DDHD2: variants seen among roughly 807,000 people sequenced by gnomAD.
DDHD2 encodes the protein DDHD domain containing 2, also known as triacylglycerol hydrolase DDHD2.
A neutral mutation model predicts 91.2 loss-of-function variants in DDHD2; 62 were observed. The observed-to-expected ratio is 0.68, with a 90% CI of 0.55 to 0.84. DDHD2 has a LOEUF of 0.84. Among genes scored for constraint, DDHD2 ranks in the 40% least tolerant of loss-of-function variants. The pLI, the probability that DDHD2 is intolerant of heterozygous loss-of-function variation, is 0.00. For synonymous variants in DDHD2, 271 were observed against 293.9 expected, an observed-to-expected ratio of 0.92 and a Z score of 0.80; for missense variants, 740 against 846.9, an observed-to-expected ratio of 0.87 and a Z score of 1.57.
chr8:38,233,476 G>A (rs1804453757), intron 2 of DDHD2, among the ~76,000 whole-genome samples: 1 of 151,802 alleles, frequency 6.6e-6, no homozygotes, highest in Non-Finnish European at 1.5e-5. Flanking sequence ...AGAGTTGGGG[G>A]CCTAATTATA....
chr8:38,266,218 C>A, downstream of DDHD2: 1 of 1,613,866 alleles, frequency 6.2e-7, no homozygotes, highest in Non-Finnish European at 8.5e-7. Flanking sequence ...CAGAAAGGCA[C>A]AGAACCTCCA....
At chr8:38,246,521 C>T in intron 9 of DDHD2, among the ~76,000 whole-genome samples, 1 of 152,104 alleles carries the variant, frequency 6.6e-6, no homozygotes, top group East Asian at 1.9e-4. Context: ...ATATTCTAAA[C>T]CATAGTTATC....
rs1306998187 is a variant in DDHD2 at position 38,252,768 on chromosome 8, T to C, written c.1664T>C (p.Val555Ala). The change falls in exon 14 of 18, where the codon GTG becomes GCG. Residue 555 changes from valine (V) to alanine (A), a missense_variant. This residue lies in a region of DDHD2 where 693 missense variants were observed against 764.2 expected (regional missense o/e 0.91). Transcript: ENST00000397166. ...YRIEPMVVPG[V>A]EFEPMLIPHH... is the part of the protein sequence containing the mutation. ...ATTGAACCAATGGTGGTCCCAGGAGTGGAATTTGAGCCAATGCTGATCCCA... is the reference window on the plus strand; with the variant it reads ...ATTGAACCAATGGTGGTCCCAGGAGCGGAATTTGAGCCAATGCTGATCCCA... 2 of 1,613,030 alleles carry C rather than the reference T, an allele frequency of 1.2e-6. No individual in the cohort carries two copies. The highest frequency in any genetic ancestry group is 1.7e-6 in the Non-Finnish European group (2 of 1,179,790).
chr8:38,258,291 G>A (rs1585769090), intron 16 of DDHD2, among the ~76,000 whole-genome samples: 1 of 146,420 alleles, frequency 6.8e-6, no homozygotes, highest in African/African-American at 2.5e-5. Flanking sequence ...TTGCTGTGTT[G>A]CCCAGGCTGA....
chr8:38,268,957 G>A, intron 1 of DDHD2: 3 of 1,567,342 alleles, frequency 1.9e-6, no homozygotes, highest in Non-Finnish European at 2.6e-6. Context: ...CCGGCTGGAT[G>A]AGTCTCTGGA....
In DDHD2 at chr8:38,253,025, G is replaced by T. The variant is rs929796596; in HGVS notation, c.1789G>T (p.Ala597Ser). Residue 597 changes from alanine (A) to serine (S), a missense_variant, in exon 15 of 18, where the codon GCC (alanine) becomes TCC (serine). By Grantham distance (99) the Ala-to-Ser change is moderately conservative. Transcript: ENST00000397166. The stretch of plus-strand genomic sequence containing the variant: ...CAACTTGCTAGGTTCGCTGCGGATG[G>T]CCTGGAAGTCTTTTACCAGAGCTCC... ...KNNLLGSLRMAWKSFTRAPYP... is the reference protein window; with the variant it reads ...KNNLLGSLRMSWKSFTRAPYP... The T allele has an allele frequency of 1.2e-6, 2 of 1,614,106 alleles. No homozygotes were observed. Among genetic ancestry groups the T allele is most frequent in the Non-Finnish European group, 1.7e-6 (2 of 1,180,022 alleles).
At position 38,245,838 on chromosome 8, in the gene DDHD2, C is replaced by G; in HGVS notation, c.945C>G (p.Tyr315Ter). Residue 315 changes from tyrosine to a stop codon, truncating the protein, a stop_gained, in exon 8 of 18, where the codon TAC becomes TAG. Coordinates refer to ENST00000397166, the MANE Select transcript of DDHD2 (RefSeq NM_015214.3). LOFTEE classifies it high-confidence loss of function. ...LDVFFYNSPT[Y>*]CQTIVDTVAS... is the part of the protein sequence containing the mutation. ...TCTTCTTCTACAATAGTCCCACCTA[C>G]TGTCAGACTATTGTGGACACAGTTG... 6.2e-7 allele frequency: 1 copy of G among 1,613,858 alleles called. No individual in the cohort carries two copies. Among genetic ancestry groups the G allele is most frequent in the African/African-American group, 1.3e-5 (1 of 75,048 alleles).
At chr8:38,255,567 A>G (rs190440683) in intron 16 of DDHD2, among the ~76,000 whole-genome samples, 3 of 152,294 alleles carry the variant, frequency 2.0e-5, no homozygotes, top group Admixed American at 1.3e-4. Context: ...TAATAAATAT[A>G]TGTATGTGAA....
At chr8:38,245,641 C>A in intron 7 of DDHD2, 101 bp from the exon 8 acceptor site, 2 of 1,079,704 alleles carry the variant, frequency 1.9e-6, no homozygotes, top group East Asian at 2.4e-5. Context: ...TATAAATCGA[C>A]AATTGTTTGT....
Position 38,249,786 on chromosome 8 carries a change from A to C in DDHD2, c.1327A>C (p.Thr443Pro). 1 of 1,608,438 alleles carries C rather than the reference A, an allele frequency of 6.2e-7. No homozygotes were observed. The highest frequency in any genetic ancestry group is 8.5e-7 in the Non-Finnish European group (1 of 1,175,502). The change falls in exon 11 of 18, where the codon ACC (threonine) becomes CCC (proline). Residue 443 changes from threonine (T) to proline (P), a missense_variant. By Grantham distance (38) the Thr-to-Pro change is conservative (BLOSUM62 -1). Transcript: ENST00000397166. ...PRKKILNYFS[T>P]RKNSMGIKRP... Reference sequence around the variant, plus strand: ...AAAGAAGATATTAAACTATTTCAGCACCAGAAAAAACTCAATGGTATGTGC... The same window carrying C: ...AAAGAAGATATTAAACTATTTCAGCCCCAGAAAAAACTCAATGGTATGTGC...
intron 16 of DDHD2, among the ~76,000 whole-genome samples, chr8:38,258,473 G>C (rs972761989): frequency 6.6e-6 from 1 of 152,006 alleles, no homozygotes; most frequent in Non-Finnish European, 1.5e-5. Flanking sequence ...GGCTGGTCTC[G>C]AACGCCTGAC....
chr8:38,255,527 T>G (rs1224946761), intron 16 of DDHD2, among the ~76,000 whole-genome samples: 1 of 152,208 alleles, frequency 6.6e-6, no homozygotes, highest in Non-Finnish European at 1.5e-5. Context: ...TAATGTAAAA[T>G]GTCTTCCAGC....
chr8:38,255,563 A>G (rs562359461), intron 16 of DDHD2, among the ~76,000 whole-genome samples: 5 of 152,336 alleles, frequency 3.3e-5, no homozygotes, highest in East Asian at 1.9e-4. Context: ...TCCATAATAA[A>G]TATATGTATG....
In DDHD2 at chr8:38,242,399, A is replaced by C. The variant is rs754457735; in HGVS notation, c.848+14A>C. 3 of 1,606,206 alleles carry C rather than the reference A, an allele frequency of 1.9e-6. No homozygotes were observed. In the African/African-American group the frequency reaches 4.0e-5, roughly 22 times the overall value. On this transcript the variant is annotated intron_variant, in intron 7 of 17. Coordinates refer to ENST00000397166, the MANE Select transcript of DDHD2 (RefSeq NM_015214.3). ...TGGTGTGGATGTGTGAGTAATACTTAATACCTTCGAGTTGTTAGCTGTGAT... is the reference window on the plus strand; with the variant it reads ...TGGTGTGGATGTGTGAGTAATACTTCATACCTTCGAGTTGTTAGCTGTGAT...
chr8:38,232,320 G>A (rs1007969779), intron 1 of DDHD2, among the ~76,000 whole-genome samples: 4 of 152,258 alleles, frequency 2.6e-5, no homozygotes, highest in Non-Finnish European at 5.9e-5. Context: ...GGTAGAAACA[G>A]CTGGTCAGAG....
At chr8:38,268,531 G>A in intron 1 of DDHD2, 2 of 1,537,400 alleles carry the variant, frequency 1.3e-6, no homozygotes, top group South Asian at 2.4e-5. Context: ...CAGGAAAGAG[G>A]GATGTGACAC....
At chr8:38,260,169 A>T (rs1312117306) in intron 17 of DDHD2, 22 bp downstream of exon 17, 9 of 1,257,472 alleles carry the variant, frequency 7.2e-6, no homozygotes, top group Non-Finnish European at 9.3e-6. Context: ...AATGTCATAT[A>T]TATAGTGTAA....
chr8:38,272,320 TAAGATAAGAGTG>T (rs1042587147), downstream of DDHD2: 3 of 152,024 alleles, frequency 2.0e-5, no homozygotes, highest in Non-Finnish European at 4.4e-5. Flanking sequence ...TTTTGAGAAT[TAAGATAAGAGTG>T]GGAACTTGTT....
At chr8:38,267,420 A>AAATC, downstream of DDHD2, 2 of 1,605,858 alleles carry the variant, frequency 1.2e-6, no homozygotes, top group East Asian at 2.2e-5. Context: ...GTTGGAACGT[A>AAATC]AATCATTAAC....
Sources: allele counts gnomAD v4.1 joint callset (sites outside exome capture counted in the v4.1 genomes callset), GRCh38; gene constraint gnomAD v4.1.1; regional missense constraint gnomAD v4.1.1; transcripts MANE v1.5; gene names NCBI Gene and HGNC (gene_info 2026-07-23, HGNC 2026-07-21).